Variants in SUMF1 observed in about 807,000 individuals in gnomAD.
The protein encoded by SUMF1 is formylglycine-generating enzyme.
In SUMF1, 48 loss-of-function variants were observed where a neutral mutation model predicts 47.6. The observed-to-expected ratio is 1.01, with a 90% CI of 0.80 to 1.28. The LOEUF (loss-of-function observed/expected upper bound fraction) is 1.28, where lower values mean the gene tolerates loss of function less well. Among genes scored for constraint, SUMF1 ranks in the 50% most tolerant of loss-of-function variants. The probability of loss-of-function intolerance (pLI) is 0.00; values close to 1 mark genes in which losing one functional copy is unlikely to be tolerated. For missense variants in SUMF1, 571 were observed against 485.4 expected, an observed-to-expected ratio of 1.18 and a Z score of -1.66; for synonymous variants, 230 against 192.1, an observed-to-expected ratio of 1.20 and a Z score of -1.63.
chr3:4,166,510 C>T (rs996409425), intron 8 of SUMF1, among the ~76,000 whole-genome samples: 2 of 152,004 alleles, frequency 1.3e-5, no homozygotes, highest in African/African-American at 4.8e-5. Flanking sequence ...ATCCCAGGTG[C>T]CTAAAGAAGG....
intron 3 of SUMF1, among the ~76,000 whole-genome samples, chr3:4,429,342 T>C (rs1702165156): frequency 6.6e-6 from 1 of 152,232 alleles, no homozygotes; most frequent in Non-Finnish European, 1.5e-5. Flanking sequence ...TGCTAGTAGC[T>C]TACTTATAGA....
intron 3 of SUMF1, among the ~76,000 whole-genome samples, chr3:4,446,721 A>G (rs1019434128): frequency 1.3e-5 from 2 of 152,218 alleles, no homozygotes; most frequent in African/African-American, 4.8e-5. Flanking sequence ...AATACAGAGG[A>G]CAGAGAGAAC....
At chr3:4,465,224 C>T (rs1387908520) in intron 1 of SUMF1, among the ~76,000 whole-genome samples, 1 of 152,166 alleles carries the variant, frequency 6.6e-6, no homozygotes, top group East Asian at 1.9e-4. Context: ...CGTTTGTAAT[C>T]CCAGCACGCT....
intron 1 of SUMF1, among the ~76,000 whole-genome samples, chr3:4,453,785 C>T (rs546871407): frequency 6.6e-6 from 1 of 152,124 alleles, no homozygotes; most frequent in African/African-American, 2.4e-5. Flanking sequence ...CCACCCGCCT[C>T]GGCCTCCCAA....
chr3:4,296,820 C>A (rs968396273), intron 8 of SUMF1, among the ~76,000 whole-genome samples: 2 of 152,134 alleles, frequency 1.3e-5, no homozygotes, highest in African/African-American at 4.8e-5. Context: ...GTTCACAGTA[C>A]CTTTCCTGGC....
intron 8 of SUMF1, among the ~76,000 whole-genome samples, chr3:4,125,570 T>C (rs561181722): frequency 1.3e-5 from 2 of 152,332 alleles, no homozygotes; most frequent in East Asian, 3.9e-4. Flanking sequence ...AGAAATATTA[T>C]CACATTGCTT....
chr3:4,134,691 T>G (rs1032231479), intron 8 of SUMF1, among the ~76,000 whole-genome samples: 7 of 152,090 alleles, frequency 4.6e-5, no homozygotes, highest in Non-Finnish European at 1.0e-4. Flanking sequence ...GAGCTGGTTT[T>G]TTGAAAAGAT....
chr3:4,431,686 G>A (rs993057654), intron 3 of SUMF1, among the ~76,000 whole-genome samples: 1 of 152,176 alleles, frequency 6.6e-6, no homozygotes, highest in Non-Finnish European at 1.5e-5. Context: ...CCGGCACAGA[G>A]CAGCCACCCC....
At chr3:4,343,603 C>A (rs544070549) in intron 8 of SUMF1, among the ~76,000 whole-genome samples, 12 of 152,294 alleles carry the variant, frequency 7.9e-5, no homozygotes, top group Admixed American at 1.3e-4. Flanking sequence ...TATGCCTGCA[C>A]CCTACAGAAG....
intron 8 of SUMF1, among the ~76,000 whole-genome samples, chr3:4,346,476 C>T (rs308713): frequency 0.064 from 9,735 of 152,104 alleles, 512 homozygotes; most frequent in South Asian, 0.29. Context: ...TTCTTTGAAA[C>T]CAATGAGAAC....
At position 4,048,749 on chromosome 3, in the gene SUMF1, T is replaced by C. The variant is rs1301880128; in HGVS notation, c.1191+19820A>G. Reference sequence around the variant, plus strand: ...CCTTATACAAGTATATTTGAATAAATGCACAAACCATGTACATTTCATTGC... The same window carrying C: ...CCTTATACAAGTATATTTGAATAAACGCACAAACCATGTACATTTCATTGC... On this transcript the variant is annotated intron_variant and NMD_transcript_variant, in intron 9 of 12. Coordinates refer to the SUMF1 transcript ENST00000448413. Among the ~76,000 whole-genome samples the C allele has an allele frequency of 1.3e-5, 2 of 152,196 alleles. 1 individual carries two copies. The highest frequency in any genetic ancestry group is 4.8e-5 in the African/African-American group (2 of 41,444).
At position 4,399,821 on chromosome 3, in the gene SUMF1, G is replaced by A. The variant is rs985470395; in HGVS notation, c.954+11044C>T. Among the ~76,000 whole-genome samples, 7 of 152,154 alleles carry A rather than the reference G, an allele frequency of 4.6e-5. No individual in the cohort carries two copies. In the East Asian group the frequency reaches 7.7e-4, roughly 17 times the overall value. Reference sequence around the variant, plus strand: ...CATCTAGCCTGAAGTGCAGTAGCGCGATCTCGGCTCACTGTAACCTCTGCC... The same window carrying A: ...CATCTAGCCTGAAGTGCAGTAGCGCAATCTCGGCTCACTGTAACCTCTGCC... On this transcript the variant is annotated intron_variant, in intron 7 of 8. Transcript: ENST00000272902.
chr3:4,444,852 T>C (rs905414191), intron 3 of SUMF1, among the ~76,000 whole-genome samples: 16 of 152,118 alleles, frequency 1.1e-4, no homozygotes, highest in Admixed American at 1.0e-3. Context: ...GTCCTCGAAA[T>C]ACTGTTTTCT....
chr3:4,240,610 T>A (rs1447582667), intron 8 of SUMF1, among the ~76,000 whole-genome samples: 18 of 152,062 alleles, frequency 1.2e-4, no homozygotes, highest in Non-Finnish European at 1.3e-4. Flanking sequence ...AAGATATTCA[T>A]CCAACACTAT....
At chr3:4,430,308 G>T (rs1342880310) in intron 3 of SUMF1, among the ~76,000 whole-genome samples, 1 of 152,144 alleles carries the variant, frequency 6.6e-6, no homozygotes, top group Middle Eastern at 3.2e-3. Context: ...CAAGTGTATG[G>T]TAAGTCTTGA....
intron 9 of SUMF1, among the ~76,000 whole-genome samples, chr3:4,065,202 A>G (rs148025340): frequency 6.6e-6 from 1 of 151,876 alleles, no homozygotes; most frequent in Non-Finnish European, 1.5e-5. Flanking sequence ...GCATTTCAAG[A>G]TGCTTTTTCT....
intron 8 of SUMF1, among the ~76,000 whole-genome samples, chr3:4,136,315 C>T (rs1163185705): frequency 6.6e-6 from 1 of 152,026 alleles, no homozygotes; most frequent in Non-Finnish European, 1.5e-5. Context: ...GAAATAATAC[C>T]ACACATCTAC....
At chr3:4,044,827 A>G (rs1694977007) in intron 9 of SUMF1, among the ~76,000 whole-genome samples, 1 of 152,220 alleles carries the variant, frequency 6.6e-6, no homozygotes, top group Admixed American at 6.5e-5. Context: ...TTCTGTTTGG[A>G]ATATTGCATC....
At chr3:4,146,806 A>T (rs1205315444) in intron 8 of SUMF1, among the ~76,000 whole-genome samples, 2 of 151,286 alleles carry the variant, frequency 1.3e-5, no homozygotes, top group African/African-American at 4.9e-5. Context: ...TTGTCCTTGC[A>T]ATAGTTTGCT....
Sources: gnomAD v4.1 joint callset for allele counts (sites outside exome capture counted in the v4.1 genomes callset) on GRCh38, gnomAD v4.1.1 for gene constraint, MANE v1.5 for transcripts, NCBI Gene and HGNC (gene_info 2026-07-23, HGNC 2026-07-21) for gene names.